Variants in STKLD1 observed in about 807,000 individuals in gnomAD.
STKLD1 encodes the protein serine/threonine kinase like domain containing 1.
A neutral mutation model predicts 80.4 loss-of-function variants in STKLD1; 79 were observed. The ratio of observed to expected loss-of-function variants is 0.98; its 90% confidence interval spans 0.82 to 1.19. The LOEUF (loss-of-function observed/expected upper bound fraction) is 1.19. STKLD1 is among the 50% of genes most tolerant of loss of function. STKLD1 has a pLI of 0.00. For missense variants in STKLD1, 841 were observed against 856.0 expected (o/e 0.98, Z 0.22); for synonymous variants, 393 against 357.6 (o/e 1.10, Z -1.12).
In STKLD1 at chr9:133,404,710, G is replaced by A. The variant is rs1838800465; in HGVS notation, c.1733-79G>A. The A allele has an allele frequency of 9.1e-6, 14 of 1,545,626 alleles. No individual in the cohort carries two copies. In the East Asian group the frequency reaches 2.3e-4, roughly 25 times the overall value. ...CCCAGGCCCCTGTGTGAGCTCTGGGGTCCCATCCCGTCCTGGGCAGAAGGC... is the reference window on the plus strand; with the variant it reads ...CCCAGGCCCCTGTGTGAGCTCTGGGATCCCATCCCGTCCTGGGCAGAAGGC... On this transcript the variant is annotated intron_variant, in intron 16 of 17. Coordinates refer to ENST00000371957, the MANE Select transcript of STKLD1 (RefSeq NM_153710.5).
Position 133,404,058 on chromosome 9 carries a change from G to C in STKLD1, c.1732+10G>C. On this transcript the variant is annotated intron_variant, in intron 16 of 17. Coordinates refer to ENST00000371957, the MANE Select transcript of STKLD1 (RefSeq NM_153710.5). ...CTGGTGAAGGTGTCAGGTGAGCCTG[G>C]GGACAGGACGAGGCTGCCACCTAGA... 3 of 1,584,918 alleles carry C rather than the reference G, an allele frequency of 1.9e-6. No individual in the cohort carries two copies. The highest frequency in any genetic ancestry group is 2.6e-6 in the Non-Finnish European group (3 of 1,167,132).
rs1838768770 is a variant in STKLD1, at chr9:133,403,754, TG to T, written c.1530del (p.Leu511TrpfsTer53). The T allele has an allele frequency of 6.2e-7, 1 of 1,613,588 alleles. No homozygotes were observed. Among genetic ancestry groups the T allele is most frequent in the Admixed American group, 1.7e-5 (1 of 59,992 alleles). Reference sequence around the variant, plus strand: ...AAGGTCCCGGACCTCATCAGCCAGGTGTTGGCCACCTACCCTGCGGATGGGG... The same window carrying T: ...AAGGTCCCGGACCTCATCAGCCAGGTTTGGCCACCTACCCTGCGGATGGGG... ...LEKVPDLISQ[V>X]LATYPADGEM... On this transcript the variant is annotated frameshift_variant, in exon 15 of 18. Coordinates refer to ENST00000371957, the MANE Select transcript of STKLD1 (RefSeq NM_153710.5). LOFTEE classifies it high-confidence loss of function.
At chr9:133,383,976 G>T in intron 3 of STKLD1, 76 bp downstream of exon 3, 1 of 1,405,156 alleles carries the variant, frequency 7.1e-7, no homozygotes, top group Non-Finnish European at 1.0e-6. Flanking sequence ...CCTTCTTGTT[G>T]AGTGCCTGGA....
chr9:133,387,674 G>T, intron 5 of STKLD1, 126 bp downstream of exon 5: 1 of 765,398 alleles, frequency 1.3e-6, no homozygotes. Flanking sequence ...TTTCTTAAAT[G>T]TGTGCCTCGA....
At chr9:133,401,334 C>T (rs1442945178) in intron 12 of STKLD1, among the ~76,000 whole-genome samples, 1 of 152,096 alleles carries the variant, frequency 6.6e-6, no homozygotes, top group Non-Finnish European at 1.5e-5. Flanking sequence ...AGACGGGTTT[C>T]ACCATGTTAG....
intron 2 of STKLD1, among the ~76,000 whole-genome samples, chr9:133,379,453 G>A (rs2130261071): frequency 6.6e-6 from 1 of 152,380 alleles, no homozygotes; most frequent in Admixed American, 6.5e-5. Context: ...AAGACAGTGA[G>A]GCTCAATGCA....
intron 4 of STKLD1, among the ~76,000 whole-genome samples, chr9:133,386,079 C>T (rs2130276611): frequency 6.6e-6 from 1 of 152,084 alleles, no homozygotes; most frequent in South Asian, 2.1e-4. Flanking sequence ...CCATGATGCC[C>T]GGCTAATTTT....
rs144431236 is a variant in STKLD1, at chr9:133,404,216, G to A, written c.1732+168G>A. Among the ~76,000 whole-genome samples the A allele has an allele frequency of 2.8e-3, 433 of 152,294 alleles. 1 individual carries two copies. Among genetic ancestry groups the A allele is most frequent in the African/African-American group, 9.4e-3 (391 of 41,554 alleles). On this transcript the variant is annotated intron_variant, in intron 16 of 17. Transcript: ENST00000371957. ...CCAGTCATCCAGAAATCACCATCAA[G>A]ACTTTCACGCACACTTGATAAACTC...
In STKLD1 at chr9:133,403,771, G is replaced by A. The variant is rs782778743; in HGVS notation, c.1546G>A (p.Ala516Thr). Residue 516 changes from alanine (A) to threonine (T), a missense_variant, in exon 15 of 18, where the codon GCG becomes ACG. Transcript: ENST00000371957. ...LISQVLATYP[A>T]DGEMAEASCG... ...CAGCCAGGTGTTGGCCACCTACCCT[G>A]CGGATGGGGAAATGGCAGAAGCCAG... is the stretch of plus-strand genomic sequence containing the variant. The A allele has an allele frequency of 3.7e-5, 59 of 1,613,662 alleles. No individual in the cohort carries two copies. The highest frequency in any genetic ancestry group is 1.6e-4 in the Middle Eastern group (1 of 6,084).
intron 7 of STKLD1, among the ~76,000 whole-genome samples, chr9:133,391,292 C>T (rs1322450554): frequency 2.3e-5 from 3 of 132,566 alleles, no homozygotes; most frequent in South Asian, 2.1e-4. Flanking sequence ...AGGTGAGGGG[C>T]GCCTCTGCCC....
In STKLD1 at chr9:133,390,592, C is replaced by G; in HGVS notation, c.468-89C>G. ...GCAGGGAGCAGAGAGTCAGGCTCAGCACACACACTGGTCCCACCTGGGGTT... is the reference window on the plus strand; with the variant it reads ...GCAGGGAGCAGAGAGTCAGGCTCAGGACACACACTGGTCCCACCTGGGGTT... On this transcript the variant is annotated intron_variant, in intron 6 of 17. Coordinates refer to ENST00000371957, the MANE Select transcript of STKLD1 (RefSeq NM_153710.5). The surrounding 1 kb of genome is among the most constrained non-coding windows in gnomAD (Gnocchi z 5.1). 2.2e-6 allele frequency: 2 copies of G among 923,998 alleles called. No individual in the cohort carries two copies. The highest frequency in any genetic ancestry group is 3.5e-6 in the Non-Finnish European group (2 of 564,456). The allele number at this position is 923,998 out of a possible 1,614,324, so 57.2% of individuals were successfully genotyped here.
At chr9:133,397,578 T>C (rs1465788262) in intron 10 of STKLD1, among the ~76,000 whole-genome samples, 1 of 152,146 alleles carries the variant, frequency 6.6e-6, no homozygotes, top group African/African-American at 2.4e-5. Context: ...ACAAATCCTC[T>C]ATGTAGCTCA....
At chr9:133,376,659 C>T (rs1462348033) in intron 1 of STKLD1, 99 bp downstream of exon 1, 1 of 1,103,590 alleles carries the variant, frequency 9.1e-7, no homozygotes, top group African/African-American at 1.7e-5. Context: ...GGCGAGGGGC[C>T]CGCGCCCTGG....
In STKLD1 at chr9:133,404,096, A is replaced by T. The variant is rs375374335; in HGVS notation, c.1732+48A>T. ...GCTGCCACCTAGAGGTGGGGGCAAGAATCAGCCCCCATCAGTTACATCTGC... is the reference window on the plus strand; with the variant it reads ...GCTGCCACCTAGAGGTGGGGGCAAGTATCAGCCCCCATCAGTTACATCTGC... On this transcript the variant is annotated intron_variant, in intron 16 of 17. Coordinates refer to ENST00000371957, the MANE Select transcript of STKLD1 (RefSeq NM_153710.5). 1,227 of 1,514,872 alleles carry T rather than the reference A, an allele frequency of 8.1e-4. 1 individual carries two copies. Among genetic ancestry groups the T allele is most frequent in the Non-Finnish European group, 8.9e-4 (1,006 of 1,131,558 alleles). The allele number at this position is 1,514,872 out of a possible 1,614,324, so 93.8% of individuals were successfully genotyped here.
rs2130274169 is a variant in STKLD1, at chr9:133,385,256, C to T, written c.220-361C>T. ...GGGACCTCTCCGTGTGCCCACCTCC[C>T]GGTGTCTGCACCACCTCCTCCAGCC... On this transcript the variant is annotated intron_variant, in intron 3 of 17. Transcript: ENST00000371957. The surrounding 1 kb of genome is among the most constrained non-coding windows in gnomAD (Gnocchi z 4.9). Among the ~76,000 whole-genome samples the T allele has an allele frequency of 3.3e-5, 5 of 152,352 alleles. No individual in the cohort carries two copies. Among genetic ancestry groups the T allele is most frequent in the South Asian group, 4.1e-4 (2 of 4,830 alleles).
At position 133,389,211 on chromosome 9, in the gene STKLD1, C is replaced by CCTGCACATCCTT; in HGVS notation, c.397-315_397-314insCTGCACATCCTT. 1.0e-6 allele frequency: 1 copy of CCTGCACATCCTT among 985,436 alleles called. No homozygotes were observed. The highest frequency in any genetic ancestry group is 4.7e-5 in the South Asian group (1 of 21,290). 61.0% of individuals were successfully genotyped at this position (985,436 alleles called of 1,614,324 possible). A position where few individuals can be genotyped will look rare whatever the true frequency, so the allele number is the denominator to read the frequency against. On this transcript the variant is annotated intron_variant, in intron 5 of 17. Transcript: ENST00000371957. The surrounding 1 kb of genome is among the most constrained non-coding windows in gnomAD (Gnocchi z 6.4). ...GCAAGGCCGATCTGCCTTCAGCTCC[C>CCTGCACATCCTT]AGCAAGTGTGGGGCAGCGCGGGCCA...
Position 133,394,767 on chromosome 9 carries a change from T to C in STKLD1, c.702+358T>C, listed in dbSNP as rs41296097. The C allele has an allele frequency of 3.5e-6, 1 of 283,528 alleles. No homozygotes were observed. Among genetic ancestry groups the C allele is most frequent in the South Asian group, 4.7e-5 (1 of 21,094 alleles). The allele number at this position is 283,528 out of a possible 1,614,324, so 17.6% of individuals were successfully genotyped here. On this transcript the variant is annotated intron_variant, in intron 8 of 17. Coordinates refer to ENST00000371957, the MANE Select transcript of STKLD1 (RefSeq NM_153710.5). This position sits in a 1 kb window ranked among gnomAD's most constrained non-coding sequence, Gnocchi z 4.9. Reference sequence around the variant, plus strand: ...AGTTGCAAGCAACGGGAACCCAGTGTGGGCCTGAACACACCTGGCTGTCTC... The same window carrying C: ...AGTTGCAAGCAACGGGAACCCAGTGCGGGCCTGAACACACCTGGCTGTCTC...
Position 133,387,523 on chromosome 9 carries a change from A to T in STKLD1, c.371A>T (p.Lys124Met), listed in dbSNP as rs2130279879. The T allele has an allele frequency of 1.2e-6, 2 of 1,614,008 alleles. No homozygotes were observed. ...SFQEVIEDKR[K>M]AKKIIDSEWM... is the part of the protein sequence containing the mutation. The stretch of plus-strand genomic sequence containing the variant: ...CAGGAGGTCATTGAGGATAAGAGGA[A>T]GGCAAAGAAAATCATTGACTCTGAG... The change falls in exon 5 of 18, where the codon AAG (lysine) becomes ATG (methionine). Residue 124 changes from lysine to methionine, a missense_variant. Lys to Met is a moderately conservative substitution (Grantham distance 95, BLOSUM62 -1). Transcript: ENST00000371957.
chr9:133,383,755 G>A (rs1312625772), intron 2 of STKLD1, 101 bp from the exon 3 acceptor site: 4 of 1,087,090 alleles, frequency 3.7e-6, no homozygotes, highest in African/African-American at 3.1e-5. Flanking sequence ...GGTGGTGGCT[G>A]TGCAGATGAT....
Sources: allele counts gnomAD v4.1 joint callset (sites outside exome capture counted in the v4.1 genomes callset), GRCh38; gene constraint gnomAD v4.1.1; non-coding constraint Gnocchi (gnomAD v3.1); transcripts MANE v1.5; gene names NCBI Gene and HGNC (gene_info 2026-07-23, HGNC 2026-07-21).